FGF14: variants seen among roughly 807,000 people sequenced by gnomAD.
FGF14 encodes the protein fibroblast growth factor homologous factor 4.
Under a neutral mutation model 25.5 loss-of-function variants are expected in FGF14, and 5 were observed. That is an observed-to-expected ratio of 0.20 (90% CI 0.10 to 0.41). The LOEUF (loss-of-function observed/expected upper bound fraction) is 0.41, where lower values mean the gene tolerates loss of function less well. Among genes scored for constraint, FGF14 ranks in the 10% least tolerant of loss-of-function variants. The probability of loss-of-function intolerance (pLI) is 1.00; values close to 1 mark genes in which losing one functional copy is unlikely to be tolerated. For synonymous variants in FGF14, 138 were observed against 118.3 expected, an observed-to-expected ratio of 1.17 and a Z score of -1.08; for missense variants, 222 against 320.1, an observed-to-expected ratio of 0.69 and a Z score of 2.34.
intron 1 of FGF14, among the ~76,000 whole-genome samples, chr13:102,122,864 C>A (rs1031122843): frequency 4.6e-5 from 7 of 152,182 alleles, no homozygotes; most frequent in African/African-American, 1.7e-4. Context: ...TATACTCTCT[C>A]CATTTTACAG....
chr13:101,756,601 C>CGG (rs1566861482), intron 3 of FGF14, among the ~76,000 whole-genome samples: 2 of 152,110 alleles, frequency 1.3e-5, no homozygotes, highest in East Asian at 3.9e-4. Flanking sequence ...GGTGCGGTGG[C>CGG]ACATGCCTGT....
chr13:102,329,650 G>C (rs547815845), intron 1 of FGF14, among the ~76,000 whole-genome samples: 8 of 151,920 alleles, frequency 5.3e-5, no homozygotes, highest in Non-Finnish European at 1.2e-4. Context: ...CTCCAACCTT[G>C]TGCTCTGTTC....
At chr13:102,351,832 T>C (rs1008941321) in intron 1 of FGF14, among the ~76,000 whole-genome samples, 3 of 152,226 alleles carry the variant, frequency 2.0e-5, no homozygotes, top group African/African-American at 7.2e-5. Context: ...ATCTAGTCTC[T>C]GAAGCCACAT....
At chr13:102,092,670 T>G (rs2044218356) in intron 1 of FGF14, among the ~76,000 whole-genome samples, 1 of 152,112 alleles carries the variant, frequency 6.6e-6, no homozygotes, top group Non-Finnish European at 1.5e-5. Context: ...ATGAAAGAAA[T>G]AAAACTAGTA....
intron 1 of FGF14, among the ~76,000 whole-genome samples, chr13:102,322,299 C>T (rs1475561121): frequency 2.0e-5 from 3 of 152,092 alleles, no homozygotes; most frequent in Non-Finnish European, 2.9e-5. Flanking sequence ...TGAGGCTTCA[C>T]CATGGTATCA....
At chr13:102,082,459 G>A (rs2043670527) in intron 1 of FGF14, among the ~76,000 whole-genome samples, 1 of 152,108 alleles carries the variant, frequency 6.6e-6, no homozygotes, top group African/African-American at 2.4e-5. Flanking sequence ...AATAACCAGA[G>A]TCACAACCAG....
chr13:102,132,711 A>T (rs2046253551), intron 1 of FGF14, among the ~76,000 whole-genome samples: 1 of 151,912 alleles, frequency 6.6e-6, no homozygotes, highest in African/African-American at 2.4e-5. Flanking sequence ...AGTAGAGACA[A>T]GGTTTCACCA....
intron 3 of FGF14, among the ~76,000 whole-genome samples, chr13:101,865,111 G>T (rs1481041075): frequency 6.6e-6 from 1 of 152,002 alleles, no homozygotes; most frequent in African/African-American, 2.4e-5. Flanking sequence ...TCTTTCTTAT[G>T]CCAGAAACAC....
rs568029765 is a variant in FGF14, at chr13:102,050,850, C to T, written c.209-175554G>A. On this transcript the variant is annotated intron_variant, in intron 1 of 4. Transcript: ENST00000376131. ...GCATACCTGAGACACCAGGAGACTG[C>T]TAGGACCAAAGAAGAAAGGTGGACC... 1.1e-4 allele frequency among the ~76,000 whole-genome samples: 16 copies of T among 152,298 alleles called. 1 individual carries two copies. The highest frequency in any genetic ancestry group is 1.5e-5 in the Non-Finnish European group (1 of 68,024).
intron 1 of FGF14, among the ~76,000 whole-genome samples, chr13:102,329,741 A>C (rs1346224181): frequency 6.6e-6 from 1 of 152,114 alleles, no homozygotes; most frequent in Non-Finnish European, 1.5e-5. Flanking sequence ...ACCCCTGCTC[A>C]GATCAACACC....
intron 1 of FGF14, among the ~76,000 whole-genome samples, chr13:102,279,791 C>A (rs2053737566): frequency 6.6e-6 from 1 of 152,178 alleles, no homozygotes; most frequent in Non-Finnish European, 1.5e-5. Flanking sequence ...CCATTAACAT[C>A]TTGTTCAGAA....
At chr13:101,727,494 C>G (rs1327428870) in intron 3 of FGF14, among the ~76,000 whole-genome samples, 1 of 152,096 alleles carries the variant, frequency 6.6e-6, no homozygotes, top group Non-Finnish European at 1.5e-5. Flanking sequence ...ACTGAAAAAC[C>G]ACACAGCATT....
chr13:102,025,610 T>C (rs988184615), intron 1 of FGF14, among the ~76,000 whole-genome samples: 2 of 152,060 alleles, frequency 1.3e-5, no homozygotes, highest in Non-Finnish European at 2.9e-5. Context: ...GATTTCCTCA[T>C]GTTGGCCAGG....
chr13:102,140,027 G>T (rs916536345), intron 1 of FGF14, among the ~76,000 whole-genome samples: 1 of 149,976 alleles, frequency 6.7e-6, no homozygotes, highest in African/African-American at 2.5e-5. Flanking sequence ...GGCAGCTTTA[G>T]GTCAAACTCT....
chr13:101,814,395 T>C (rs2041728472), intron 3 of FGF14, among the ~76,000 whole-genome samples: 1 of 152,230 alleles, frequency 6.6e-6, no homozygotes, highest in Non-Finnish European at 1.5e-5. Flanking sequence ...TTATGTGACC[T>C]TAAAAATGTA....
intron 1 of FGF14, among the ~76,000 whole-genome samples, chr13:102,349,423 CAAT>C (rs2057207990): frequency 6.6e-6 from 1 of 152,148 alleles, no homozygotes; most frequent in Non-Finnish European, 1.5e-5. Flanking sequence ...TTCTCCATGT[CAAT>C]GATGAATATA....
intron 1 of FGF14, among the ~76,000 whole-genome samples, chr13:102,038,452 G>A (rs1595074839): frequency 6.6e-6 from 1 of 151,982 alleles, no homozygotes; most frequent in Admixed American, 6.6e-5. Flanking sequence ...GGGAGCACCC[G>A]GGAACAGTTA....
chr13:101,873,054 G>A (rs2045200545), intron 2 of FGF14, among the ~76,000 whole-genome samples: 1 of 151,696 alleles, frequency 6.6e-6, no homozygotes, highest in African/African-American at 2.4e-5. Flanking sequence ...TATATTTACA[G>A]AACAGAAGGT....
In FGF14 at chr13:101,884,731, G is replaced by A. The variant is rs574743720; in HGVS notation, c.194-9435C>T. Among the ~76,000 whole-genome samples the A allele has an allele frequency of 2.6e-5, 4 of 152,020 alleles. No homozygotes were observed. In the South Asian group the frequency reaches 8.3e-4, roughly 32 times the overall value. On this transcript the variant is annotated intron_variant, in intron 1 of 4. Transcript: ENST00000376143. The stretch of plus-strand genomic sequence containing the variant: ...TGCTACAGGAACTGGGAAGGGAATT[G>A]CTGCTTTGAAAAAAATCTTGAGAAA...
Sources: allele counts gnomAD v4.1 joint callset (sites outside exome capture counted in the v4.1 genomes callset), GRCh38; gene constraint gnomAD v4.1.1; transcripts MANE v1.5; gene names NCBI Gene and HGNC (gene_info 2026-07-23, HGNC 2026-07-21).